RELCH: variants seen among roughly 807,000 people sequenced by gnomAD.
The protein encoded by RELCH is RAB11-binding protein RELCH.
Under a neutral mutation model 150.3 loss-of-function variants are expected in RELCH, and 41 were observed. That is an observed-to-expected ratio of 0.27 (90% CI 0.21 to 0.35). RELCH has a LOEUF of 0.35. Among genes scored for constraint, RELCH ranks in the 10% least tolerant of loss-of-function variants. RELCH has a pLI of 1.00. For missense variants in RELCH, 1,092 were observed against 1,467.8 expected, an observed-to-expected ratio of 0.74 and a Z score of 4.18; for synonymous variants, 478 against 531.8, an observed-to-expected ratio of 0.90 and a Z score of 1.39.
chr18:62,301,189 G>C (rs1432524894), intron 28 of RELCH, among the ~76,000 whole-genome samples: 6 of 152,168 alleles, frequency 3.9e-5, no homozygotes, highest in African/African-American at 1.2e-4. Flanking sequence ...TTACAGAGGA[G>C]CGTGTTTGGG....
chr18:62,220,999 T>G (rs958017898), intron 2 of RELCH, 38 bp from the exon 3 acceptor site: 32 of 1,510,828 alleles, frequency 2.1e-5, no homozygotes, highest in Non-Finnish European at 2.9e-5. Flanking sequence ...TTTTCTTGGT[T>G]GGATGCCTGT....
At position 62,298,854 on chromosome 18, in the gene RELCH, C is replaced by T; in HGVS notation, c.3524C>T (p.Pro1175Leu). 6.4e-7 allele frequency: 1 copy of T among 1,562,742 alleles called. No homozygotes were observed. Among genetic ancestry groups the T allele is most frequent in the Non-Finnish European group, 8.8e-7 (1 of 1,141,942 alleles). ...GTTGAAAACAAGACCGTCCAAGAGCCTCAAGGGTAAGACATTAATTCTTTT... is the reference window on the plus strand; with the variant it reads ...GTTGAAAACAAGACCGTCCAAGAGCTTCAAGGGTAAGACATTAATTCTTTT... ...QKVENKTVQE[P>L]QGSMSIAASL... The change falls in exon 28 of 29, where the codon CCT (proline) becomes CTT (leucine). Residue 1175 changes from proline to leucine, a missense_variant. Around this residue, in one of 4 missense-constraint regions of RELCH, gnomAD observed 707 missense variants for 1,025.4 expected, o/e 0.69. Coordinates refer to ENST00000644646, the MANE Select transcript of RELCH (RefSeq NM_001346231.2).
intron 8 of RELCH, among the ~76,000 whole-genome samples, chr18:62,230,696 G>A (rs571368336): frequency 2.1e-4 from 32 of 152,078 alleles, no homozygotes; most frequent in South Asian, 1.0e-3. Flanking sequence ...CTGTGCCTCC[G>A]TTTATCTTTA....
At chr18:62,258,963 T>C (rs2043125110) in intron 15 of RELCH, among the ~76,000 whole-genome samples, 1 of 152,002 alleles carries the variant, frequency 6.6e-6, no homozygotes, top group South Asian at 2.1e-4. Context: ...TTCTTGACCC[T>C]TCTGAGTACT....
intron 15 of RELCH, among the ~76,000 whole-genome samples, chr18:62,260,805 A>G (rs1014008274): frequency 6.6e-6 from 1 of 152,006 alleles, no homozygotes; most frequent in Non-Finnish European, 1.5e-5. Flanking sequence ...GTTAAGTGAA[A>G]TAAACCAGGC....
chr18:62,244,175 A>C (rs1010735856), intron 10 of RELCH, among the ~76,000 whole-genome samples: 2 of 152,166 alleles, frequency 1.3e-5, no homozygotes, highest in Non-Finnish European at 2.9e-5. Context: ...TTGAATGTGA[A>C]GAAAACAAAA....
intron 25 of RELCH, among the ~76,000 whole-genome samples, chr18:62,284,638 G>C (rs900585772): frequency 6.6e-6 from 1 of 152,126 alleles, no homozygotes; most frequent in African/African-American, 2.4e-5. Context: ...GAATGCGATA[G>C]TGTTATTCCT....
At chr18:62,275,007 C>T (rs2044116646) in intron 21 of RELCH, among the ~76,000 whole-genome samples, 1 of 152,204 alleles carries the variant, frequency 6.6e-6, no homozygotes, top group South Asian at 2.1e-4. Flanking sequence ...ACCTCTGCCT[C>T]CTGCGTTCAA....
At chr18:62,221,970 A>G (rs1374409598) in intron 5 of RELCH, among the ~76,000 whole-genome samples, 1 of 151,994 alleles carries the variant, frequency 6.6e-6, no homozygotes, top group Non-Finnish European at 1.5e-5. Flanking sequence ...GGCCAATTTT[A>G]GAACTTTATT....
At chr18:62,291,974 A>C in intron 27 of RELCH, among the ~76,000 whole-genome samples, 1 of 152,298 alleles carries the variant, frequency 6.6e-6, no homozygotes. Context: ...TCATTTCTTC[A>C]TAACTATTTT....
intron 1 of RELCH, among the ~76,000 whole-genome samples, chr18:62,202,373 A>G (rs995320713): frequency 6.6e-6 from 1 of 152,222 alleles, no homozygotes; most frequent in African/African-American, 2.4e-5. Flanking sequence ...AATCCAAAGT[A>G]CATATAGGGT....
chr18:62,188,102 G>T, intron 1 of RELCH, 71 bp downstream of exon 1: 1 of 1,432,560 alleles, frequency 7.0e-7, no homozygotes, highest in African/African-American at 1.4e-5. Context: ...AGGGGAGAGG[G>T]GGTATTTCTG....
chr18:62,228,309 A>G lies in RELCH; in HGVS notation c.1159A>G (p.Met387Val). The change falls in exon 8 of 29, where the codon ATG becomes GTG. Residue 387 changes from methionine (M) to valine (V), a missense_variant. By Grantham distance (21) the Met-to-Val change is conservative. Transcript: ENST00000644646. ...MEQIRRLKSEMDFLKNEHFAI... is the reference protein window; with the variant it reads ...MEQIRRLKSEVDFLKNEHFAI... The stretch of plus-strand genomic sequence containing the variant: ...TCTTAATTTCTCTTTCTACAGTGAA[A>G]TGGACTTCCTCAAAAATGAACACTT... The G allele has an allele frequency of 1.2e-6, 2 of 1,608,510 alleles. No individual in the cohort carries two copies. Among genetic ancestry groups the G allele is most frequent in the African/African-American group, 1.3e-5 (1 of 74,744 alleles).
intron 20 of RELCH, among the ~76,000 whole-genome samples, chr18:62,273,244 G>A (rs1053318579): frequency 2.0e-5 from 3 of 151,636 alleles, no homozygotes; most frequent in East Asian, 1.9e-4. Flanking sequence ...TTAATTTAGC[G>A]GGTTTTCTTT....
intron 25 of RELCH, among the ~76,000 whole-genome samples, chr18:62,285,023 A>G (rs537499115): frequency 6.6e-6 from 1 of 152,066 alleles, no homozygotes; most frequent in South Asian, 2.1e-4. Flanking sequence ...GTCTGGGCCC[A>G]TTTATTCAAA....
At chr18:62,260,546 T>C (rs1278984695) in intron 15 of RELCH, among the ~76,000 whole-genome samples, 1 of 151,768 alleles carries the variant, frequency 6.6e-6, no homozygotes, top group East Asian at 1.9e-4. Flanking sequence ...GGTATATATC[T>C]AAAAGAAAGG....
chr18:62,242,922 G>T (rs1039885468), intron 10 of RELCH, among the ~76,000 whole-genome samples: 3 of 151,992 alleles, frequency 2.0e-5, no homozygotes, highest in African/African-American at 7.3e-5. Flanking sequence ...AGGAAGAAAT[G>T]GGAAAAATAG....
At chr18:62,291,109 A>G (rs1205801568) in intron 26 of RELCH, among the ~76,000 whole-genome samples, 3 of 152,186 alleles carry the variant, frequency 2.0e-5, no homozygotes, top group Non-Finnish European at 2.9e-5. Context: ...TCAATCGTTT[A>G]CAATTGTCTT....
At chr18:62,189,683 G>A (rs1451592175) in intron 1 of RELCH, among the ~76,000 whole-genome samples, 5 of 152,022 alleles carry the variant, frequency 3.3e-5, no homozygotes, top group Non-Finnish European at 7.4e-5. Flanking sequence ...TGTCTTATTA[G>A]GGCTATCATA....
Sources: allele counts gnomAD v4.1 joint callset (sites outside exome capture counted in the v4.1 genomes callset), GRCh38; gene constraint gnomAD v4.1.1; regional missense constraint gnomAD v4.1.1; transcripts MANE v1.5; gene names NCBI Gene and HGNC (gene_info 2026-07-23, HGNC 2026-07-21).